TTPA: variants seen among roughly 807,000 people sequenced by gnomAD.
The protein encoded by TTPA is alpha tocopherol transfer protein, also known as alpha-tocopherol transfer protein.
Under a neutral mutation model 25.9 loss-of-function variants are expected in TTPA, and 23 were observed. The ratio of observed to expected loss-of-function variants is 0.89; its 90% CI spans 0.64 to 1.26. TTPA has a LOEUF of 1.26. Among genes scored for constraint, TTPA ranks in the 50% most tolerant of loss-of-function variants. TTPA has a pLI of 0.00. For missense variants in TTPA, 337 were observed against 353.1 expected (o/e 0.95, Z 0.37); for synonymous variants, 148 against 137.3 (o/e 1.08, Z -0.54).
intron 1 of TTPA, among the ~76,000 whole-genome samples, 165 bp from the exon 2 acceptor site, chr8:63,073,253 G>A (rs910610963): frequency 5.3e-5 from 8 of 152,092 alleles, no homozygotes; most frequent in Non-Finnish European, 8.8e-5. Flanking sequence ...CTTTTATCAA[G>A]GATCTGAGGT....
intron 1 of TTPA, among the ~76,000 whole-genome samples, chr8:63,083,200 C>T (rs1049853486): frequency 7.9e-5 from 12 of 152,228 alleles, no homozygotes; most frequent in African/African-American, 2.4e-4. Context: ...ATGTTTACTG[C>T]GGCACTATTC....
intron 4 of TTPA, 135 bp from the exon 5 acceptor site, chr8:63,061,560 T>C: frequency 1.4e-6 from 1 of 733,458 alleles, no homozygotes; most frequent in Non-Finnish European, 2.3e-6. Context: ...TTTATTCCTC[T>C]GGTTATGAAT....
chr8:63,060,673 GAAAA>G lies in TTPA; in HGVS notation c.*575_*578del, dbSNP rs10543235. The G allele has an allele frequency of 2.1e-3, 313 of 145,686 alleles. No homozygotes were observed. The highest frequency in any genetic ancestry group is 7.2e-3 in the Middle Eastern group (2 of 278). 9.0% of individuals were successfully genotyped at this position (145,686 alleles called of 1,614,324 possible). On this transcript the variant is annotated 3_prime_UTR_variant, in exon 5 of 5. Coordinates refer to ENST00000260116, the MANE Select transcript of TTPA (RefSeq NM_000370.3). ...TGGGCGACAGAGCAAGACTCTGTCT[GAAAA>G]AAAAAAAAAAAGTTTCTATCGTGTT...
Position 63,061,129 on chromosome 8 carries a change from A to G in TTPA, c.*123T>C. 9.6e-7 allele frequency: 1 copy of G among 1,043,142 alleles called. No homozygotes were observed. Among genetic ancestry groups the G allele is most frequent in the Non-Finnish European group, 1.4e-6 (1 of 699,636 alleles). 64.6% of individuals were successfully genotyped at this position (1,043,142 alleles called of 1,614,324 possible). On this transcript the variant is annotated 3_prime_UTR_variant, in exon 5 of 5. Transcript: ENST00000260116. ...GTGTTGCTCATGTCAGAAGATTTCT[A>G]CATTTTTAAAGTTCAGGCAAGCATT...
intron 1 of TTPA, among the ~76,000 whole-genome samples, chr8:63,083,872 G>GT (rs1554524977): frequency 6.7e-6 from 1 of 150,156 alleles, no homozygotes; most frequent in Non-Finnish European, 1.5e-5. Flanking sequence ...GAGTTATAGA[G>GT]TTTTTTTTCT....
At chr8:63,065,457 T>C (rs1805374212) in intron 3 of TTPA, among the ~76,000 whole-genome samples, 2 of 152,198 alleles carry the variant, frequency 1.3e-5, no homozygotes, top group South Asian at 4.1e-4. Context: ...TATTAAAGAT[T>C]ATTCCTTAGC....
At chr8:63,077,917 C>T (rs1334961358) in intron 1 of TTPA, among the ~76,000 whole-genome samples, 1 of 152,188 alleles carries the variant, frequency 6.6e-6, no homozygotes, top group Middle Eastern at 3.2e-3. Flanking sequence ...TAGGGGCCGA[C>T]AGACACCTCA....
rs745683556 is a variant in TTPA at position 63,065,881 on chromosome 8, TGACA to T, written c.552+19_552+22del. On this transcript the variant is annotated intron_variant, in intron 3 of 4. Transcript: ENST00000260116. ...AACTATAATTTGGAAGTATTATGCC[TGACA>T]GTTAAAATATACATTTACCGTAAGT... The T allele has an allele frequency of 2.5e-6, 4 of 1,611,584 alleles. No individual in the cohort carries two copies. In the South Asian group the frequency reaches 4.4e-5, roughly 18 times the overall value.
chr8:63,063,183 A>G (rs1160803470), intron 4 of TTPA, among the ~76,000 whole-genome samples: 1 of 152,200 alleles, frequency 6.6e-6, no homozygotes. Context: ...AAACCTTTAC[A>G]AATTGTTTTG....
intron 1 of TTPA, among the ~76,000 whole-genome samples, chr8:63,083,637 A>AT (rs1410027660): frequency 3.1e-4 from 23 of 75,340 alleles, no homozygotes; most frequent in African/African-American, 7.5e-4. Flanking sequence ...AAGTATAATA[A>AT]AAAAAAAAAA....
At chr8:63,085,769 G>T in intron 1 of TTPA, 49 bp downstream of exon 1, 3 of 1,520,252 alleles carry the variant, frequency 2.0e-6, no homozygotes. Context: ...GGCGGGGGAC[G>T]GGGCGGGTGA....
Position 63,064,209 on chromosome 8 carries a change from T to C in TTPA, c.660A>G (p.Glu220=), listed in dbSNP as rs766108497. Residue 220 remains glutamate (E), a synonymous_variant, in exon 4 of 5, where the codon GAA becomes GAG. Transcript: ENST00000260116. ...IKPFLTEKIK[E]RIHMHGNNYK... is the part of the protein sequence containing the mutation. Reference sequence around the variant, plus strand: ...GACTTGAATATATTTTACTCACCCGTTCCTTAATTTTTTCAGTCAGGAATG... The same window carrying C: ...GACTTGAATATATTTTACTCACCCGCTCCTTAATTTTTTCAGTCAGGAATG... 21 of 1,608,684 alleles carry C rather than the reference T, an allele frequency of 1.3e-5. No homozygotes were observed. The highest frequency in any genetic ancestry group is 1.7e-5 in the Non-Finnish European group (20 of 1,175,880).
chr8:63,085,169 C>A (rs2129793640), intron 1 of TTPA, among the ~76,000 whole-genome samples: 2 of 152,286 alleles, frequency 1.3e-5, no homozygotes, highest in Middle Eastern at 6.8e-3. Flanking sequence ...CCTAAAGTGA[C>A]AGAACTCAAG....
intron 1 of TTPA, among the ~76,000 whole-genome samples, chr8:63,080,125 G>A (rs1296526987): frequency 6.6e-6 from 1 of 152,106 alleles, no homozygotes; most frequent in East Asian, 1.9e-4. Context: ...AAACCAATGA[G>A]AACAAAGACA....
At chr8:63,074,426 A>AT (rs1741971935) in intron 1 of TTPA, among the ~76,000 whole-genome samples, 1 of 152,132 alleles carries the variant, frequency 6.6e-6, no homozygotes, top group South Asian at 2.1e-4. Flanking sequence ...TCATTTCTGT[A>AT]TTTAATAAAC....
At chr8:63,065,452 A>C (rs959492985) in intron 3 of TTPA, among the ~76,000 whole-genome samples, 28 of 152,318 alleles carry the variant, frequency 1.8e-4, no homozygotes, top group African/African-American at 6.7e-4. Context: ...TAATATATTA[A>C]AGATTATTCC....
At chr8:63,075,069 AC>A (rs1203977323) in intron 1 of TTPA, among the ~76,000 whole-genome samples, 1 of 152,264 alleles carries the variant, frequency 6.6e-6, no homozygotes, top group African/African-American at 2.4e-5. Flanking sequence ...ATCCACTGAT[AC>A]ATAAATTCAC....
chr8:63,073,072 T>C lies in TTPA; in HGVS notation c.221A>G (p.Tyr74Cys), dbSNP rs368131865. 5 of 1,611,332 alleles carry C rather than the reference T, an allele frequency of 3.1e-6. No homozygotes were observed. The highest frequency in any genetic ancestry group is 2.7e-5 in the African/African-American group (2 of 74,868). Residue 74 changes from tyrosine (Y) to cysteine (C), a missense_variant, in exon 2 of 5, where the codon TAT (tyrosine) becomes TGT (cysteine). Coordinates refer to ENST00000260116, the MANE Select transcript of TTPA (RefSeq NM_000370.3). Reference sequence around the variant, plus strand: ...TTCTGGACATTCTGCTCTCCACTTATAATAGTTTTTTAGTAACTGAAAAAT... The same window carrying C: ...TTCTGGACATTCTGCTCTCCACTTACAATAGTTTTTTAGTAACTGAAAAAT... ...DLAWRLLKNY[Y>C]KWRAECPEIS...
In TTPA at chr8:63,086,050, A is replaced by C. The variant is rs1026397217; in HGVS notation, c.-29T>G. On this transcript the variant is annotated 5_prime_UTR_variant, in exon 1 of 5. Transcript: ENST00000260116. ...CGCCGCCGCTGCTGCGGCCGCAGCTACCCGGGCACCCGGGAAAAGCGCGCG... is the reference window on the plus strand; with the variant it reads ...CGCCGCCGCTGCTGCGGCCGCAGCTCCCCGGGCACCCGGGAAAAGCGCGCG... The C allele has an allele frequency of 7.2e-5, 100 of 1,384,296 alleles. No homozygotes were observed. The highest frequency in any genetic ancestry group is 9.4e-5 in the Non-Finnish European group (100 of 1,068,414). The allele number at this position is 1,384,296 out of a possible 1,614,324, so 85.8% of individuals were successfully genotyped here.
Sources: allele counts gnomAD v4.1 joint callset (sites outside exome capture counted in the v4.1 genomes callset), GRCh38; gene constraint gnomAD v4.1.1; transcripts MANE v1.5; gene names NCBI Gene and HGNC (gene_info 2026-07-23, HGNC 2026-07-21).